Variants in BCL11B observed in about 807,000 individuals in gnomAD.
The protein encoded by BCL11B is BCL11 transcription factor B.
In BCL11B, 8 loss-of-function variants were observed where a neutral mutation model predicts 49.9. The observed-to-expected ratio is 0.16, with a 90% confidence interval of 0.09 to 0.29. BCL11B has a LOEUF of 0.29. Ranked by LOEUF, BCL11B falls within the 10% of genes least tolerant of loss-of-function variation. The pLI is 1.00. For synonymous variants in BCL11B, 739 were observed against 637.4 expected (o/e 1.16, Z -2.40); for missense variants, 1,006 against 1,351.0 (o/e 0.74, Z 4.00).
intron 3 of BCL11B, among the ~76,000 whole-genome samples, chr14:99,199,683 T>TGTGTGCGCGC (rs759599743): frequency 6.1e-4 from 45 of 73,736 alleles, no homozygotes; most frequent in East Asian, 4.7e-3. Flanking sequence ...TGTGTGTGTG[T>TGTGTGCGCGC]GCGCGCGCGC....
intron 3 of BCL11B, among the ~76,000 whole-genome samples, chr14:99,211,701 G>A (rs1400331281): frequency 2.6e-5 from 4 of 151,996 alleles, no homozygotes; most frequent in East Asian, 1.9e-4. Flanking sequence ...CCTCTTTCAC[G>A]TGAATGTGTG....
At position 99,175,336 on chromosome 14, in the gene BCL11B, G is replaced by T; in HGVS notation, c.1500C>A (p.Pro500=). 6.4e-7 allele frequency: 1 copy of T among 1,551,294 alleles called. No individual in the cohort carries two copies. The change falls in exon 4 of 4, where the codon CCC becomes CCA. Residue 500 remains proline, a synonymous_variant. Coordinates refer to ENST00000357195, the MANE Select transcript of BCL11B (RefSeq NM_138576.4). ...CCTCGCCCGCCAGCTCGCTGGTGCC[G>T]GGCTCGGGGGAGCTGGCGGCCGAGA... is the stretch of plus-strand genomic sequence containing the variant. ...DGLSAASSPE[P]GTSELAGEGL...
In BCL11B at chr14:99,233,702, G is replaced by A. The variant is rs1456231260; in HGVS notation, c.428-2145C>T. ...AGGCATCTGGCCACACCCTTCTCCTGGAAACGTCCAAGGTGGGGCTCAGAC... is the reference window on the plus strand; with the variant it reads ...AGGCATCTGGCCACACCCTTCTCCTAGAAACGTCCAAGGTGGGGCTCAGAC... On this transcript the variant is annotated intron_variant, in intron 2 of 3. Coordinates refer to ENST00000357195, the MANE Select transcript of BCL11B (RefSeq NM_138576.4). 6.6e-5 allele frequency among the ~76,000 whole-genome samples: 10 copies of A among 152,294 alleles called. No individual in the cohort carries two copies. In the East Asian group the frequency reaches 1.9e-3, roughly 29 times the overall value.
Position 99,174,932 on chromosome 14 carries a change from T to TCGCCCGCGTCCCCGC in BCL11B, c.1889_1903dup (p.Gly630_Gly634dup). ...CCCGCAGCCGCCCGCGTCGTCGTCG[T>TCGCCCGCGTCCCCGC]CGCCCGCGTCCCCGCCGCCCGCCGC... is the stretch of plus-strand genomic sequence containing the variant. On this transcript the variant is annotated inframe_insertion, in exon 4 of 4. Coordinates refer to ENST00000357195, the MANE Select transcript of BCL11B (RefSeq NM_138576.4). 2 of 1,330,534 alleles carry TCGCCCGCGTCCCCGC rather than the reference T, an allele frequency of 1.5e-6. No homozygotes were observed. Among genetic ancestry groups the TCGCCCGCGTCCCCGC allele is most frequent in the Non-Finnish European group, 1.9e-6 (2 of 1,036,230 alleles). The allele number at this position is 1,330,534 out of a possible 1,614,324, so 82.4% of individuals were successfully genotyped here.
At position 99,171,168 on chromosome 14, in the gene BCL11B, T is replaced by A. The variant is rs1236746203; in HGVS notation, c.*2983A>T. On this transcript the variant is annotated 3_prime_UTR_variant, in exon 4 of 4. Coordinates refer to ENST00000357195, the MANE Select transcript of BCL11B (RefSeq NM_138576.4). Reference sequence around the variant, plus strand: ...CACACCAAGGAGCCTTGATGCAAGGTTCGGGGCGTTCAGAGAGAAGCCCAA... The same window carrying A: ...CACACCAAGGAGCCTTGATGCAAGGATCGGGGCGTTCAGAGAGAAGCCCAA... 3 of 228,494 alleles carry A rather than the reference T, an allele frequency of 1.3e-5. No individual in the cohort carries two copies. The highest frequency in any genetic ancestry group is 4.4e-5 in the African/African-American group (2 of 45,026). 14.2% of individuals were successfully genotyped at this position (228,494 alleles called of 1,614,324 possible). A position where few individuals can be genotyped will look rare whatever the true frequency, so the allele number is the denominator to read the frequency against.
intron 2 of BCL11B, among the ~76,000 whole-genome samples, chr14:99,252,266 T>G (rs1889030012): frequency 1.3e-5 from 2 of 152,174 alleles, no homozygotes; most frequent in Admixed American, 6.5e-5. Flanking sequence ...TTAACGCATC[T>G]TAATTTGAAG....
At chr14:99,243,606 G>A (rs1184987157) in intron 2 of BCL11B, among the ~76,000 whole-genome samples, 3 of 152,094 alleles carry the variant, frequency 2.0e-5, no homozygotes, top group South Asian at 2.1e-4. Context: ...CAATGCATTC[G>A]AGACTATCCG....
rs779425675 is a variant in BCL11B at position 99,182,748 on chromosome 14, G to A, written c.641-6553C>T. ...CCACTGCCCCCACACCAAGGCCTGC[G>A]GTAGACATTGCCAGTTCATCCCCGC... On this transcript the variant is annotated intron_variant, in intron 3 of 3. Coordinates refer to ENST00000357195, the MANE Select transcript of BCL11B (RefSeq NM_138576.4). Among the ~76,000 whole-genome samples, 28 of 152,224 alleles carry A rather than the reference G, an allele frequency of 1.8e-4. 1 individual carries two copies. Among genetic ancestry groups the A allele is most frequent in the African/African-American group, 5.1e-4 (21 of 41,526 alleles).
intron 1 of BCL11B, among the ~76,000 whole-genome samples, chr14:99,259,219 A>C (rs1417433352): frequency 1.3e-5 from 2 of 152,216 alleles, no homozygotes; most frequent in Non-Finnish European, 2.9e-5. Context: ...TTAGGGAAGG[A>C]TAATGAAAAC....
intron 1 of BCL11B, among the ~76,000 whole-genome samples, chr14:99,269,969 G>A (rs1440293083): frequency 6.8e-6 from 1 of 147,972 alleles, no homozygotes; most frequent in Non-Finnish European, 1.5e-5. Flanking sequence ...CGCGCGCAGC[G>A]AAGAAGCCGC....
intron 1 of BCL11B, among the ~76,000 whole-genome samples, chr14:99,267,155 A>C (rs531995320): frequency 6.6e-6 from 1 of 152,138 alleles, no homozygotes; most frequent in Non-Finnish European, 1.5e-5. Context: ...GCTTCACAAA[A>C]GCAACTGCAT....
Position 99,231,358 on chromosome 14 carries a change from C to T in BCL11B, c.627G>A (p.Gln209=). The change falls in exon 3 of 4, where the codon CAG becomes CAA. Residue 209 remains glutamine, a synonymous_variant. Transcript: ENST00000357195. This position sits in a 1 kb window ranked among gnomAD's most constrained non-coding sequence, Gnocchi z 8.1. ...GTCGTCTGTTACCTGACAACTGACA[C>T]TGGCATCCAAAGGGAGCCTCCGTCT... ...EGQTEAPFGC[Q]CQLSGKDEPS... The T allele has an allele frequency of 1.2e-6, 2 of 1,609,656 alleles. No individual in the cohort carries two copies. The highest frequency in any genetic ancestry group is 2.2e-5 in the East Asian group (1 of 44,794).
intron 2 of BCL11B, among the ~76,000 whole-genome samples, chr14:99,235,340 C>A (rs1464276593): frequency 6.6e-6 from 1 of 152,116 alleles, no homozygotes; most frequent in Admixed American, 6.5e-5. Flanking sequence ...AGTCATAGAT[C>A]AAGGAAGGAG....
chr14:99,249,873 A>T (rs1888954028), intron 2 of BCL11B, among the ~76,000 whole-genome samples: 1 of 152,040 alleles, frequency 6.6e-6, no homozygotes, highest in Admixed American at 6.5e-5. Flanking sequence ...CGTGCCTGTA[A>T]TCCCAACAGT....
intron 1 of BCL11B, among the ~76,000 whole-genome samples, chr14:99,269,075 C>A (rs958709287): frequency 4.6e-5 from 7 of 152,060 alleles, no homozygotes; most frequent in African/African-American, 1.7e-4. Flanking sequence ...TGCTTCTTCC[C>A]CTTACACACA....
intron 2 of BCL11B, among the ~76,000 whole-genome samples, chr14:99,252,482 AG>A (rs963466952): frequency 1.3e-5 from 2 of 152,232 alleles, no homozygotes; most frequent in Non-Finnish European, 2.9e-5. Flanking sequence ...GCTCGTCAGA[AG>A]TCCTTTTCTC....
At chr14:99,227,393 A>T (rs943341057) in intron 3 of BCL11B, among the ~76,000 whole-genome samples, 11 of 152,174 alleles carry the variant, frequency 7.2e-5, no homozygotes, top group Admixed American at 2.6e-4. Context: ...AGATGGGGAA[A>T]CTGAGGGATG....
chr14:99,260,935 A>G (rs1399425365), intron 1 of BCL11B, among the ~76,000 whole-genome samples: 1 of 152,114 alleles, frequency 6.6e-6, no homozygotes, highest in Non-Finnish European at 1.5e-5. Context: ...CAGAGATCCA[A>G]CTCACTGCCT....
intron 2 of BCL11B, among the ~76,000 whole-genome samples, chr14:99,234,510 G>A (rs907207111): frequency 6.6e-6 from 1 of 152,102 alleles, no homozygotes; most frequent in Admixed American, 6.5e-5. Flanking sequence ...CTCCCAGGCC[G>A]CACAGCCTTG....
Sources: allele counts gnomAD v4.1 joint callset (sites outside exome capture counted in the v4.1 genomes callset), GRCh38; gene constraint gnomAD v4.1.1; non-coding constraint Gnocchi (gnomAD v3.1); transcripts MANE v1.5; gene names NCBI Gene and HGNC (gene_info 2026-07-23, HGNC 2026-07-21).